Variants in TMEFF2 observed in about 807,000 individuals in gnomAD.
TMEFF2 encodes the protein tomoregulin-2.
A neutral mutation model predicts 53.8 loss-of-function variants in TMEFF2; 28 were observed. The ratio of observed to expected loss-of-function variants is 0.52; its 90% confidence interval spans 0.39 to 0.71. TMEFF2 has a LOEUF of 0.71. Ranked by LOEUF, TMEFF2 falls within the 30% of genes least tolerant of loss-of-function variation. The pLI, the probability that TMEFF2 is intolerant of heterozygous loss-of-function variation, is 0.00. For synonymous variants in TMEFF2, 162 were observed against 166.3 expected (o/e 0.97, Z 0.20); for missense variants, 353 against 455.2 (o/e 0.78, Z 2.04).
chr2:192,132,770 C>T (rs1206955262), intron 4 of TMEFF2, among the ~76,000 whole-genome samples: 2 of 152,198 alleles, frequency 1.3e-5, no homozygotes, highest in African/African-American at 4.8e-5. Flanking sequence ...CATGTCCCAT[C>T]TGTGCAGGAC....
chr2:191,961,894 C>T (rs1279032268), intron 7 of TMEFF2, among the ~76,000 whole-genome samples: 1 of 152,164 alleles, frequency 6.6e-6, no homozygotes, highest in African/African-American at 2.4e-5. Flanking sequence ...GTCATAGCTT[C>T]TGCAAGGCAT....
chr2:192,165,609 C>T (rs933472320), intron 4 of TMEFF2, among the ~76,000 whole-genome samples: 2 of 151,958 alleles, frequency 1.3e-5, no homozygotes, highest in African/African-American at 4.8e-5. Context: ...TATAATTACC[C>T]CCTTTGAAAG....
rs190811364 is a variant in TMEFF2 at position 192,046,330 on chromosome 2, C to G, written c.536+11349G>C. On this transcript the variant is annotated intron_variant, in intron 5 of 9. Transcript: ENST00000272771. ...AGTGAATCAAGATCATGCCGCTGCACTTCAGCCTGGGTGACGGAGCGAGAC... is the reference window on the plus strand; with the variant it reads ...AGTGAATCAAGATCATGCCGCTGCAGTTCAGCCTGGGTGACGGAGCGAGAC... 1.4e-3 allele frequency among the ~76,000 whole-genome samples: 209 copies of G among 152,138 alleles called. 1 individual carries two copies. The highest frequency in any genetic ancestry group is 1.9e-3 in the Non-Finnish European group (127 of 67,980).
At chr2:192,132,822 C>A (rs1689886128) in intron 4 of TMEFF2, among the ~76,000 whole-genome samples, 2 of 152,174 alleles carry the variant, frequency 1.3e-5, no homozygotes, top group Admixed American at 6.5e-5. Context: ...GGCAGCCACT[C>A]CCAGAGCCCC....
In TMEFF2 at chr2:192,165,562, T is replaced by C. The variant is rs115113351; in HGVS notation, c.439+14106A>G. On this transcript the variant is annotated intron_variant, in intron 4 of 9. Coordinates refer to ENST00000272771, the MANE Select transcript of TMEFF2 (RefSeq NM_016192.4). ...ATACAAATACACACACACATAAAATTTGTAAAACAACAGTGATGTGTCTTT... is the reference window on the plus strand; with the variant it reads ...ATACAAATACACACACACATAAAATCTGTAAAACAACAGTGATGTGTCTTT... Among the ~76,000 whole-genome samples the C allele has an allele frequency of 2.3e-3, 356 of 152,252 alleles. 1 individual carries two copies. Among genetic ancestry groups the C allele is most frequent in the Non-Finnish European group, 3.6e-3 (247 of 68,006 alleles).
chr2:192,184,065 A>G (rs1161061015), intron 3 of TMEFF2, among the ~76,000 whole-genome samples: 1 of 152,136 alleles, frequency 6.6e-6, no homozygotes, highest in African/African-American at 2.4e-5. Flanking sequence ...CAGTCTATCT[A>G]GATTTCTAAT....
intron 4 of TMEFF2, among the ~76,000 whole-genome samples, chr2:192,120,204 A>G (rs1689516570): frequency 1.3e-5 from 2 of 152,180 alleles, no homozygotes; most frequent in South Asian, 4.1e-4. Flanking sequence ...TTTACTACCC[A>G]GACCACTACA....
intron 4 of TMEFF2, among the ~76,000 whole-genome samples, chr2:192,099,759 A>C (rs1688992334): frequency 6.6e-6 from 1 of 151,622 alleles, no homozygotes; most frequent in East Asian, 1.9e-4. Flanking sequence ...GTATTCCCAC[A>C]ATACATAATA....
At chr2:192,057,918 CTT>C in intron 4 of TMEFF2, 143 bp from the exon 5 acceptor site, 1 of 638,566 alleles carries the variant, frequency 1.6e-6, no homozygotes, top group Non-Finnish European at 2.8e-6. Flanking sequence ...AAAAGCAACT[CTT>C]TTTTTTCCTC....
chr2:192,021,610 A>G (rs1686862264), intron 5 of TMEFF2, among the ~76,000 whole-genome samples: 1 of 152,188 alleles, frequency 6.6e-6, no homozygotes, highest in Admixed American at 6.5e-5. Context: ...AGGTAGTGTG[A>G]TAGAATAACA....
chr2:192,095,331 C>A (rs113998706), intron 4 of TMEFF2, among the ~76,000 whole-genome samples: 46 of 152,130 alleles, frequency 3.0e-4, no homozygotes, highest in Non-Finnish European at 5.7e-4. Flanking sequence ...GTGTTCCTTG[C>A]AATATTAAAA....
At chr2:192,126,190 T>C (rs1689675100) in intron 4 of TMEFF2, among the ~76,000 whole-genome samples, 1 of 152,180 alleles carries the variant, frequency 6.6e-6, no homozygotes, top group Non-Finnish European at 1.5e-5. Context: ...GAATTACCGT[T>C]TTCTGAAATA....
chr2:192,004,065 A>G (rs569827388), intron 5 of TMEFF2, among the ~76,000 whole-genome samples: 21 of 152,340 alleles, frequency 1.4e-4, no homozygotes, highest in African/African-American at 3.8e-4. Flanking sequence ...CCTGGTACCT[A>G]GTACAGTGCA....
intron 5 of TMEFF2, among the ~76,000 whole-genome samples, chr2:192,011,689 C>G (rs1393067168): frequency 6.6e-6 from 1 of 152,044 alleles, no homozygotes; most frequent in Non-Finnish European, 1.5e-5. Flanking sequence ...AAACATTAGA[C>G]TTATCAGTTA....
At chr2:191,959,569 G>C (rs1333438094) in intron 7 of TMEFF2, among the ~76,000 whole-genome samples, 1 of 152,144 alleles carries the variant, frequency 6.6e-6, no homozygotes, top group Non-Finnish European at 1.5e-5. Flanking sequence ...GGGTAGAAAG[G>C]GGGCAAAGCC....
intron 4 of TMEFF2, among the ~76,000 whole-genome samples, chr2:192,072,852 A>T (rs1688323102): frequency 6.6e-6 from 1 of 151,722 alleles, no homozygotes; most frequent in Non-Finnish European, 1.5e-5. Flanking sequence ...CATCATATTC[A>T]TTTTTTTCAG....
At chr2:192,017,403 T>G (rs1220212526) in intron 5 of TMEFF2, among the ~76,000 whole-genome samples, 1 of 152,152 alleles carries the variant, frequency 6.6e-6, no homozygotes, top group Non-Finnish European at 1.5e-5. Flanking sequence ...TAGGAATCGA[T>G]TGGAGAGATT....
At chr2:192,155,254 T>A (rs535376774) in intron 4 of TMEFF2, among the ~76,000 whole-genome samples, 17 of 152,038 alleles carry the variant, frequency 1.1e-4, no homozygotes, top group Non-Finnish European at 2.1e-4. Flanking sequence ...TAATTTAGTT[T>A]TGGGAGAAAT....
chr2:192,169,283 G>A (rs1360151328), intron 4 of TMEFF2, among the ~76,000 whole-genome samples: 1 of 152,154 alleles, frequency 6.6e-6, no homozygotes, highest in Non-Finnish European at 1.5e-5. Context: ...GAATATGAAT[G>A]ATGTTTAAGC....
Sources: allele counts gnomAD v4.1 joint callset (sites outside exome capture counted in the v4.1 genomes callset), GRCh38; gene constraint gnomAD v4.1.1; transcripts MANE v1.5; gene names NCBI Gene and HGNC (gene_info 2026-07-23, HGNC 2026-07-21).